Variants in NBAS observed in about 807,000 individuals in gnomAD.
The protein encoded by NBAS is NAG/BC035112 fusion.
A neutral mutation model predicts 302.5 loss-of-function variants in NBAS; 219 were observed. That is an observed-to-expected ratio of 0.72 (90% CI 0.65 to 0.81). NBAS has a LOEUF of 0.81. Among genes scored for constraint, NBAS ranks in the 30% least tolerant of loss-of-function variants. The probability of loss-of-function intolerance (pLI) is 0.00; values close to 1 mark genes in which losing one functional copy is unlikely to be tolerated. For synonymous variants in NBAS, 1,118 were observed against 1,021.6 expected, an observed-to-expected ratio of 1.09 and a Z score of -1.80; for missense variants, 2,932 against 2,841.6, an observed-to-expected ratio of 1.03 and a Z score of -0.72.
At chr2:15,146,685 G>C in the NBAS span, among the ~76,000 whole-genome samples, 1 of 152,084 alleles carries the variant, frequency 6.6e-6, no homozygotes, top group Non-Finnish European at 1.5e-5. Flanking sequence ...GGAGCAATAG[G>C]GAGCACCTCT....
the NBAS span, among the ~76,000 whole-genome samples, chr2:15,111,057 T>C: frequency 6.6e-6 from 1 of 152,130 alleles, no homozygotes; most frequent in Non-Finnish European, 1.5e-5. Context: ...TAATAAATAC[T>C]GACTTTGTGA....
At chr2:15,310,018 T>C (rs1451387267) in intron 38 of NBAS, among the ~76,000 whole-genome samples, 1 of 152,250 alleles carries the variant, frequency 6.6e-6, no homozygotes, top group Non-Finnish European at 1.5e-5. Context: ...CAGATGCTCA[T>C]GATCGGCACT....
chr2:15,371,772 AG>A (rs542081205), intron 31 of NBAS, among the ~76,000 whole-genome samples: 5 of 152,228 alleles, frequency 3.3e-5, no homozygotes, highest in African/African-American at 4.8e-5. Flanking sequence ...ATGAAAGCAA[AG>A]GGGGGATGGA....
intron 27 of NBAS, 147 bp from the exon 28 acceptor site, chr2:15,394,496 T>G: frequency 1.3e-6 from 1 of 784,836 alleles, no homozygotes. Context: ...ACGTTGATTC[T>G]CAGCAAAAAA....
chr2:15,073,515 C>T, the NBAS span, among the ~76,000 whole-genome samples: 1 of 150,304 alleles, frequency 6.7e-6, no homozygotes, highest in African/African-American at 2.5e-5. Flanking sequence ...AATACCAGTA[C>T]AGGGGAAGGC....
intron 21 of NBAS, among the ~76,000 whole-genome samples, chr2:15,446,303 C>T (rs1213349238): frequency 6.6e-6 from 1 of 151,814 alleles, no homozygotes; most frequent in Non-Finnish European, 1.5e-5. Context: ...TAAAAGCATG[C>T]AAAGAAAACA....
intron 48 of NBAS, among the ~76,000 whole-genome samples, chr2:15,194,379 G>A (rs929689081): frequency 6.6e-6 from 1 of 152,064 alleles, no homozygotes; most frequent in African/African-American, 2.4e-5. Flanking sequence ...AAATCATGGA[G>A]GCCAGAAGGA....
chr2:15,017,889 C>G, the NBAS span, among the ~76,000 whole-genome samples: 3 of 151,992 alleles, frequency 2.0e-5, no homozygotes, highest in Non-Finnish European at 4.4e-5. Flanking sequence ...TGGAATCCAC[C>G]AAGGTTCCCA....
the NBAS span, among the ~76,000 whole-genome samples, chr2:15,093,849 AG>A: frequency 6.6e-6 from 1 of 152,244 alleles, no homozygotes; most frequent in Non-Finnish European, 1.5e-5. Context: ...GTTTAAGCAT[AG>A]AAAAAAATGT....
chr2:15,289,129 T>A (rs1341341749), intron 41 of NBAS, among the ~76,000 whole-genome samples: 1 of 152,152 alleles, frequency 6.6e-6, no homozygotes, highest in Non-Finnish European at 1.5e-5. Context: ...CAGGCTGGAG[T>A]GCAGTACTAC....
intron 38 of NBAS, among the ~76,000 whole-genome samples, chr2:15,317,812 G>C (rs1671587025): frequency 6.6e-6 from 1 of 152,172 alleles, no homozygotes; most frequent in South Asian, 2.1e-4. Context: ...GAAACAAGTT[G>C]GAAAACACAC....
At chr2:14,946,283 A>C in the NBAS span, among the ~76,000 whole-genome samples, 1 of 152,172 alleles carries the variant, frequency 6.6e-6, no homozygotes. Flanking sequence ...GGCATATAAA[A>C]ATCAAATTTT....
chr2:15,157,652 G>A, the NBAS span, among the ~76,000 whole-genome samples: 76 of 152,222 alleles, frequency 5.0e-4, 3 homozygotes, highest in South Asian at 0.015. Flanking sequence ...GCTACATCAA[G>A]CCTATTTTTG....
chr2:15,397,360 T>C (rs1049291106), intron 26 of NBAS: 27 of 246,300 alleles, frequency 1.1e-4, no homozygotes, highest in Admixed American at 1.1e-4. Flanking sequence ...TATTTTTTAT[T>C]TTTTTTTCAG....
intron 21 of NBAS, among the ~76,000 whole-genome samples, chr2:15,451,241 A>G (rs1678994915): frequency 6.6e-6 from 1 of 152,064 alleles, no homozygotes; most frequent in Admixed American, 6.6e-5. Context: ...CTGTAGAGAC[A>G]GCGTCTTACT....
intron 14 of NBAS, among the ~76,000 whole-genome samples, chr2:15,474,821 A>C (rs1451833990): frequency 2.0e-5 from 3 of 152,182 alleles, no homozygotes; most frequent in Non-Finnish European, 1.5e-5. Flanking sequence ...TTGGCCTCCC[A>C]AAGTGCTGGG....
In NBAS at chr2:15,438,795, G is replaced by C. The variant is rs531429571; in HGVS notation, c.2340-11001C>G. Among the ~76,000 whole-genome samples the C allele has an allele frequency of 2.6e-5, 4 of 152,194 alleles. No homozygotes were observed. The East Asian group carries it at 7.8e-4, about 30-fold the overall frequency. ...AGAAAGCTCCAAAAATCCTGGGAGG[G>C]GTCCCTCTAGTCATTGACTAAGCAC... On this transcript the variant is annotated intron_variant, in intron 21 of 51. Transcript: ENST00000281513.
chr2:15,251,517 AAAG>A (rs1225558180), intron 44 of NBAS, among the ~76,000 whole-genome samples: 1 of 152,216 alleles, frequency 6.6e-6, no homozygotes. Context: ...TAAGAAAGTA[AAAG>A]AATAAAGAAT....
the NBAS span, among the ~76,000 whole-genome samples, chr2:15,061,979 G>A: frequency 6.6e-6 from 1 of 152,290 alleles, no homozygotes; most frequent in South Asian, 2.1e-4. Context: ...GTGATCCTCA[G>A]CCCTTCCAAG....
Sources: gnomAD v4.1 joint callset for allele counts (sites outside exome capture counted in the v4.1 genomes callset) on GRCh38, gnomAD v4.1.1 for gene constraint, MANE v1.5 for transcripts, NCBI Gene and HGNC (gene_info 2026-07-23, HGNC 2026-07-21) for gene names.